PLCL2: variants seen among roughly 807,000 people sequenced by gnomAD.
PLCL2 encodes the protein phospholipase C like 2, also known as inactive phospholipase C-like protein 2.
In PLCL2, 4 loss-of-function variants were observed where a neutral mutation model predicts 79.6. The ratio of observed to expected loss-of-function variants is 0.05; its 90% CI spans 0.02 to 0.11. PLCL2 has a LOEUF of 0.11. Among genes scored for constraint, PLCL2 ranks in the 10% least tolerant of loss-of-function variants. The probability of loss-of-function intolerance (pLI) is 1.00; values close to 1 mark genes in which losing one functional copy is unlikely to be tolerated. For synonymous variants in PLCL2, 484 were observed against 457.7 expected (o/e 1.06, Z -0.73); for missense variants, 895 against 1,291.0 (o/e 0.69, Z 4.70).
At chr3:16,934,452 C>T (rs943434579) in intron 1 of PLCL2, among the ~76,000 whole-genome samples, 2 of 152,086 alleles carry the variant, frequency 1.3e-5, no homozygotes, top group African/African-American at 2.4e-5. Flanking sequence ...CATCATGGCC[C>T]GTTTGAGCTT....
intron 1 of PLCL2, among the ~76,000 whole-genome samples, chr3:16,922,992 A>G (rs1697158458): frequency 1.3e-5 from 2 of 152,196 alleles, no homozygotes; most frequent in South Asian, 4.1e-4. Flanking sequence ...CCTCTATAAT[A>G]CATATTTAAA....
chr3:16,926,805 G>A (rs1697265150), intron 1 of PLCL2, among the ~76,000 whole-genome samples: 1 of 151,822 alleles, frequency 6.6e-6, no homozygotes, highest in African/African-American at 2.4e-5. Context: ...CTAATTTTTT[G>A]TATTTTTAGT....
chr3:17,053,751 G>A lies in PLCL2; in HGVS notation c.3094+10802G>A, dbSNP rs534180882. On this transcript the variant is annotated intron_variant, in intron 4 of 5. Coordinates refer to ENST00000615277, the MANE Select transcript of PLCL2 (RefSeq NM_001144382.2). ...AAAGGGAGAAATCAGCCAAAAGAAA[G>A]GGACTACAGGGAGCAGTGTCCAGGG... Among the ~76,000 whole-genome samples, 10 of 152,266 alleles carry A rather than the reference G, an allele frequency of 6.6e-5. No homozygotes were observed. In the South Asian group the frequency reaches 1.9e-3, roughly 28 times the overall value.
chr3:16,934,638 C>T (rs538959327), intron 1 of PLCL2, among the ~76,000 whole-genome samples: 2 of 152,252 alleles, frequency 1.3e-5, no homozygotes, highest in East Asian at 3.9e-4. Context: ...CTCATCCTGC[C>T]TGCCAGGTGG....
chr3:16,957,651 T>TG (rs1197368122), intron 1 of PLCL2, among the ~76,000 whole-genome samples: 1 of 152,170 alleles, frequency 6.6e-6, no homozygotes, highest in Non-Finnish European at 1.5e-5. Context: ...CCATTATTAT[T>TG]GTGTGGGAGT....
intron 1 of PLCL2, among the ~76,000 whole-genome samples, chr3:16,940,191 G>A (rs4685405): frequency 6.6e-6 from 1 of 152,014 alleles, no homozygotes; most frequent in African/African-American, 2.4e-5. Flanking sequence ...GTTCTGACTC[G>A]TGCCCTTTCC....
chr3:17,038,770 C>A (rs897169721), intron 3 of PLCL2, among the ~76,000 whole-genome samples: 1 of 152,144 alleles, frequency 6.6e-6, no homozygotes, highest in African/African-American at 2.4e-5. Flanking sequence ...GTGTGTAGCA[C>A]CTTTTAGGAG....
intron 1 of PLCL2, among the ~76,000 whole-genome samples, chr3:16,979,862 C>G (rs1285825257): frequency 6.6e-6 from 1 of 150,710 alleles, no homozygotes; most frequent in Non-Finnish European, 1.5e-5. Flanking sequence ...GTACACCTCC[C>G]AGACGGGGTG....
At chr3:17,025,336 T>C (rs777005640) in intron 3 of PLCL2, among the ~76,000 whole-genome samples, 1 of 152,148 alleles carries the variant, frequency 6.6e-6, no homozygotes, top group Admixed American at 6.6e-5. Context: ...TATGGAGAAA[T>C]TTGTCAGTGT....
intron 1 of PLCL2, among the ~76,000 whole-genome samples, chr3:16,976,766 G>C (rs1046729679): frequency 6.6e-6 from 1 of 152,146 alleles, no homozygotes; most frequent in Non-Finnish European, 1.5e-5. Context: ...CCTTATTTGT[G>C]GGGCTTATTT....
At chr3:17,085,543 T>C (rs1264234275) in intron 5 of PLCL2, among the ~76,000 whole-genome samples, 1 of 151,296 alleles carries the variant, frequency 6.6e-6, no homozygotes, top group African/African-American at 2.4e-5. Context: ...CTCCACCTCC[T>C]GGGTTCACGC....
intron 5 of PLCL2, among the ~76,000 whole-genome samples, chr3:17,085,845 G>T (rs2065214442): frequency 6.6e-6 from 1 of 152,134 alleles, no homozygotes; most frequent in African/African-American, 2.4e-5. Flanking sequence ...AAATATTCAG[G>T]TATAAATCTA....
intron 3 of PLCL2, among the ~76,000 whole-genome samples, chr3:17,034,486 G>A (rs1330430009): frequency 6.6e-6 from 1 of 152,170 alleles, no homozygotes; most frequent in Non-Finnish European, 1.5e-5. Context: ...TGAGCTGTGT[G>A]GTAGTAGGAG....
chr3:17,025,004 G>T (rs1194088761), intron 3 of PLCL2, among the ~76,000 whole-genome samples: 1 of 152,188 alleles, frequency 6.6e-6, no homozygotes, highest in Non-Finnish European at 1.5e-5. Flanking sequence ...TACTCCTTGA[G>T]CCACACCCTA....
At chr3:16,927,173 C>T (rs181399671) in intron 1 of PLCL2, among the ~76,000 whole-genome samples, 8 of 152,160 alleles carry the variant, frequency 5.3e-5, no homozygotes, top group Admixed American at 2.0e-4. Context: ...TTATTCTTTA[C>T]GGAAGAACTG....
chr3:16,985,115 G>A (rs1358677531), intron 1 of PLCL2, among the ~76,000 whole-genome samples: 3 of 151,990 alleles, frequency 2.0e-5, no homozygotes, highest in South Asian at 2.1e-4. Context: ...ACTTCTCTTC[G>A]TTCAAGTATG....
At chr3:17,048,401 AT>A (rs2124926136) in intron 4 of PLCL2, among the ~76,000 whole-genome samples, 1 of 152,340 alleles carries the variant, frequency 6.6e-6, no homozygotes, top group East Asian at 1.9e-4. Context: ...TAGCATGGAA[AT>A]ATCAAAAAAT....
rs189164958 is a variant in PLCL2 at position 17,059,799 on chromosome 3, T to G, written c.3095-8157T>G. Among the ~76,000 whole-genome samples the G allele has an allele frequency of 4.3e-3, 661 of 152,266 alleles. 4 individuals are homozygous for G. Among genetic ancestry groups the G allele is most frequent in the African/African-American group, 0.015 (613 of 41,542 alleles). ...GAAAGACAGTTCCCTGTATTTCAGT[T>G]TATACTTTTAAAATTGTGGAACCAT... On this transcript the variant is annotated intron_variant, in intron 4 of 5. Coordinates refer to ENST00000615277, the MANE Select transcript of PLCL2 (RefSeq NM_001144382.2).
At chr3:17,031,217 C>T (rs1301663603) in intron 3 of PLCL2, among the ~76,000 whole-genome samples, 5 of 152,114 alleles carry the variant, frequency 3.3e-5, no homozygotes, top group African/African-American at 1.2e-4. Flanking sequence ...CAGGATGTAG[C>T]GTCTGAACTC....
Sources: allele counts gnomAD v4.1 joint callset (sites outside exome capture counted in the v4.1 genomes callset), GRCh38; gene constraint gnomAD v4.1.1; transcripts MANE v1.5; gene names NCBI Gene and HGNC (gene_info 2026-07-23, HGNC 2026-07-21).